PTN: variants seen among roughly 807,000 people sequenced by gnomAD.
PTN encodes the protein pleiotrophin, also known as heparin affin regulatory protein.
PTN carries 18 observed loss-of-function variants against 24.1 expected under a neutral mutation model. The ratio of observed to expected loss-of-function variants is 0.75; its 90% CI spans 0.52 to 1.11. The LOEUF is 1.11. Ranked by LOEUF, PTN falls within the 50% of genes least tolerant of loss-of-function variation. PTN has a pLI of 0.00. For synonymous variants in PTN, 78 were observed against 68.6 expected (o/e 1.14, Z -0.67); for missense variants, 163 against 198.8 (o/e 0.82, Z 1.08).
At chr7:137,280,692 A>G (rs13221216) in intron 1 of PTN, among the ~76,000 whole-genome samples, 87 of 86,530 alleles carry the variant, frequency 1.0e-3, no homozygotes, top group African/African-American at 4.3e-3. Context: ...CGTCTCTACT[A>G]AAAATACAAA....
intron 4 of PTN, among the ~76,000 whole-genome samples, chr7:137,232,955 C>G (rs1808453710): frequency 6.6e-6 from 1 of 151,928 alleles, no homozygotes; most frequent in Non-Finnish European, 1.5e-5. Context: ...GTCTCCCCAG[C>G]TATGTGGAAC....
intron 4 of PTN, among the ~76,000 whole-genome samples, chr7:137,249,185 A>G (rs1296377256): frequency 6.6e-6 from 1 of 151,740 alleles, no homozygotes; most frequent in Non-Finnish European, 1.5e-5. Flanking sequence ...CAGCCCCACC[A>G]TCTTCCACCT....
At chr7:137,325,825 G>C (rs748821564) in intron 1 of PTN, 2 of 152,162 alleles carry the variant, frequency 1.3e-5, no homozygotes, top group Non-Finnish European at 2.9e-5. Flanking sequence ...CTAAAATGCA[G>C]TTACTGAAAT....
At chr7:137,253,381 T>C in intron 3 of PTN, 83 bp downstream of exon 3, 4 of 1,374,320 alleles carry the variant, frequency 2.9e-6, no homozygotes, top group African/African-American at 1.4e-5. Context: ...AAATAAAAAG[T>C]ACTTATCCTT....
chr7:137,293,786 ATCAC>A (rs922093893), intron 1 of PTN, among the ~76,000 whole-genome samples: 9 of 152,020 alleles, frequency 5.9e-5, no homozygotes, highest in Admixed American at 5.9e-4. Context: ...TTGACATGTC[ATCAC>A]TCAAAGTCCA....
chr7:137,295,469 C>G (rs537829695), intron 1 of PTN, among the ~76,000 whole-genome samples: 1 of 152,004 alleles, frequency 6.6e-6, no homozygotes, highest in South Asian at 2.1e-4. Flanking sequence ...ATTTTTAAAT[C>G]AAATAGGCAC....
intron 1 of PTN, among the ~76,000 whole-genome samples, chr7:137,312,055 T>G (rs1809991224): frequency 1.3e-5 from 2 of 152,176 alleles, no homozygotes; most frequent in Admixed American, 6.5e-5. Flanking sequence ...GTTGATGGAC[T>G]TGGTTTTAAG....
At chr7:137,302,198 A>G (rs1809816836) in intron 1 of PTN, among the ~76,000 whole-genome samples, 1 of 152,018 alleles carries the variant, frequency 6.6e-6, no homozygotes, top group Admixed American at 6.6e-5. Context: ...CACACAGGAC[A>G]GCTTGTGTTA....
chr7:137,234,051 C>T (rs184362594), intron 4 of PTN, among the ~76,000 whole-genome samples: 11 of 151,432 alleles, frequency 7.3e-5, no homozygotes, highest in East Asian at 3.9e-4. Context: ...ACACTTTTAA[C>T]GAGTTCTATT....
At chr7:137,248,627 C>T (rs1054192655) in intron 4 of PTN, among the ~76,000 whole-genome samples, 1 of 152,144 alleles carries the variant, frequency 6.6e-6, no homozygotes, top group South Asian at 2.1e-4. Flanking sequence ...TTGCAGTGGG[C>T]CGAGATCGCC....
At chr7:137,319,325 A>C (rs891706004) in intron 1 of PTN, among the ~76,000 whole-genome samples, 17 of 152,188 alleles carry the variant, frequency 1.1e-4, no homozygotes, top group African/African-American at 4.1e-4. Flanking sequence ...CGGCTTGGTA[A>C]ATGTGAGATA....
At chr7:137,308,783 T>C (rs1412088841) in intron 1 of PTN, among the ~76,000 whole-genome samples, 1 of 152,144 alleles carries the variant, frequency 6.6e-6, no homozygotes, top group Non-Finnish European at 1.5e-5. Context: ...TTCTAGGGAT[T>C]GTAAATATTA....
chr7:137,304,227 T>C (rs1191080289), intron 1 of PTN, among the ~76,000 whole-genome samples: 1 of 152,020 alleles, frequency 6.6e-6, no homozygotes, highest in African/African-American at 2.4e-5. Context: ...TTGAGCCTCC[T>C]GACAGCCAAG....
At chr7:137,296,390 A>T (rs2128877904) in intron 1 of PTN, among the ~76,000 whole-genome samples, 1 of 152,216 alleles carries the variant, frequency 6.6e-6, no homozygotes, top group East Asian at 1.9e-4. Context: ...ACACTAATGT[A>T]TAAATAGAAA....
At chr7:137,292,814 G>A (rs577981428) in intron 1 of PTN, among the ~76,000 whole-genome samples, 35 of 152,248 alleles carry the variant, frequency 2.3e-4, no homozygotes, top group African/African-American at 6.5e-4. Flanking sequence ...CATGTGGGAC[G>A]CACAGAAAAG....
At chr7:137,314,836 G>A (rs530041808) in intron 1 of PTN, among the ~76,000 whole-genome samples, 10 of 151,858 alleles carry the variant, frequency 6.6e-5, no homozygotes, top group Non-Finnish European at 1.2e-4. Flanking sequence ...CTCATGATCC[G>A]CCCGCCTCGG....
intron 1 of PTN, among the ~76,000 whole-genome samples, chr7:137,270,018 T>A (rs1809248061): frequency 6.6e-6 from 1 of 152,180 alleles, no homozygotes; most frequent in African/African-American, 2.4e-5. Flanking sequence ...CATTATTTCA[T>A]TAAATGTTTT....
chr7:137,297,457 T>C (rs917153023), intron 1 of PTN, among the ~76,000 whole-genome samples: 1 of 151,978 alleles, frequency 6.6e-6, no homozygotes, highest in Non-Finnish European at 1.5e-5. Flanking sequence ...TTATTTAAAA[T>C]TGCATGAGCT....
chr7:137,266,856 T>A (rs1585020551), intron 1 of PTN, among the ~76,000 whole-genome samples: 2 of 147,432 alleles, frequency 1.4e-5, no homozygotes, highest in Admixed American at 1.4e-4. Context: ...ACTTAGAATT[T>A]GTATAGATGG....
Sources: allele counts gnomAD v4.1 joint callset (sites outside exome capture counted in the v4.1 genomes callset), GRCh38; gene constraint gnomAD v4.1.1; transcripts MANE v1.5; gene names NCBI Gene and HGNC (gene_info 2026-07-23, HGNC 2026-07-21).